The following BEND6 variants were observed in gnomAD, a reference collection of about 807,000 sequenced individuals.
BEND6 encodes BEN domain containing 6.
A neutral mutation model predicts 31.8 loss-of-function variants in BEND6; 24 were observed. The observed-to-expected ratio is 0.75, with a 90% confidence interval of 0.55 to 1.06. The LOEUF (loss-of-function observed/expected upper bound fraction) is 1.06, where lower values mean the gene tolerates loss of function less well. Among genes scored for constraint, BEND6 ranks in the 50% least tolerant of loss-of-function variants. The pLI, the probability that BEND6 is intolerant of heterozygous loss-of-function variation, is 0.00. For synonymous variants in BEND6, 109 were observed against 114.6 expected (o/e 0.95, Z 0.31); for missense variants, 294 against 327.4 (o/e 0.90, Z 0.79).
chr6:56,967,430 G>A (rs531741064), intron 1 of BEND6, among the ~76,000 whole-genome samples: 8 of 152,178 alleles, frequency 5.3e-5, no homozygotes, highest in Admixed American at 2.0e-4. Flanking sequence ...GAAGGGAGCC[G>A]GGAGGATAAA....
chr6:57,011,146 T>G (rs1827328276), intron 3 of BEND6, among the ~76,000 whole-genome samples: 2 of 152,234 alleles, frequency 1.3e-5, no homozygotes, highest in African/African-American at 4.8e-5. Context: ...CTTAAATAAT[T>G]GTAATTTAAA....
intron 1 of BEND6, among the ~76,000 whole-genome samples, chr6:56,969,095 T>C (rs1382651955): frequency 6.7e-6 from 1 of 149,974 alleles, no homozygotes; most frequent in South Asian, 2.1e-4. Flanking sequence ...GAAAAGAAAA[T>C]GAAGGAAGTA....
At position 57,015,241 on chromosome 6, in the gene BEND6, C is replaced by G; in HGVS notation, c.407C>G (p.Thr136Arg). The G allele has an allele frequency of 6.2e-7, 1 of 1,614,142 alleles. No individual in the cohort carries two copies. The highest frequency in any genetic ancestry group is 8.5e-7 in the Non-Finnish European group (1 of 1,180,012). ...TCTGCATCCACCCTCTGGAGAGCAA[C>G]AAACAACTCCTCGCCAGATTCATTT... ...STSASTLWRA[T>R]NNSSPDSFAS... Residue 136 changes from threonine to arginine, a missense_variant, in exon 4 of 7, where the codon ACA becomes AGA. Coordinates refer to ENST00000370746, the MANE Select transcript of BEND6 (RefSeq NM_152731.3).
At chr6:57,014,516 C>A in intron 3 of BEND6, 1 of 1,520,752 alleles carries the variant, frequency 6.6e-7, no homozygotes, top group Non-Finnish European at 8.8e-7. Context: ...GGCATGAAAA[C>A]TTTGAATGTG....
intron 3 of BEND6, among the ~76,000 whole-genome samples, chr6:56,995,190 T>A (rs549030308): frequency 6.6e-6 from 1 of 151,906 alleles, no homozygotes; most frequent in African/African-American, 2.4e-5. Flanking sequence ...ATCATTCCCA[T>A]TAGTATCAAA....
chr6:56,993,118 G>GA (rs1375158167), intron 3 of BEND6, among the ~76,000 whole-genome samples: 2 of 151,550 alleles, frequency 1.3e-5, no homozygotes, highest in Admixed American at 6.6e-5. Context: ...CCAGTGGCTG[G>GA]AAAAAAAATG....
intron 3 of BEND6, among the ~76,000 whole-genome samples, chr6:56,994,823 A>T (rs1826645325): frequency 6.6e-6 from 1 of 152,206 alleles, no homozygotes; most frequent in African/African-American, 2.4e-5. Flanking sequence ...AAAGAGTGCC[A>T]ATCAGCTTCA....
chr6:57,008,357 A>C (rs1487216451), intron 3 of BEND6: 1 of 633,666 alleles, frequency 1.6e-6, no homozygotes, highest in Non-Finnish European at 2.8e-6. Flanking sequence ...ATCATGTTTC[A>C]TTTCTAGCTT....
intron 3 of BEND6, among the ~76,000 whole-genome samples, chr6:57,003,739 A>G (rs1238670118): frequency 6.6e-6 from 1 of 152,168 alleles, no homozygotes; most frequent in Non-Finnish European, 1.5e-5. Context: ...AAAGAAAACT[A>G]CAGGCCAATA....
intron 2 of BEND6, among the ~76,000 whole-genome samples, chr6:56,991,344 C>A (rs1481192015): frequency 6.6e-6 from 1 of 151,538 alleles, no homozygotes; most frequent in Non-Finnish European, 1.5e-5. Context: ...AGAATCTATA[C>A]AAATTTACTT....
At chr6:56,971,987 T>C (rs1825703838) in intron 1 of BEND6, among the ~76,000 whole-genome samples, 1 of 152,142 alleles carries the variant, frequency 6.6e-6, no homozygotes, top group Non-Finnish European at 1.5e-5. Flanking sequence ...TTTTTTGTTT[T>C]ATTGCCTATG....
rs1826077621 is a variant in BEND6 at position 56,981,741 on chromosome 6, A to G, written c.-70A>G. On this transcript the variant is annotated 5_prime_UTR_variant, in exon 2 of 7. Transcript: ENST00000370746. Reference sequence around the variant, plus strand: ...GCATTAACTTTTGAGCTACGTCCAGAATAGCATCATCTTCATGGGTATTCC... The same window carrying G: ...GCATTAACTTTTGAGCTACGTCCAGGATAGCATCATCTTCATGGGTATTCC... 3 of 1,560,886 alleles carry G rather than the reference A, an allele frequency of 1.9e-6. No homozygotes were observed. Among genetic ancestry groups the G allele is most frequent in the Non-Finnish European group, 2.6e-6 (3 of 1,148,580 alleles).
At chr6:57,003,554 CA>C (rs941724959) in intron 3 of BEND6, among the ~76,000 whole-genome samples, 4 of 151,426 alleles carry the variant, frequency 2.6e-5, no homozygotes, top group Non-Finnish European at 5.9e-5. Flanking sequence ...AACTACCAAT[CA>C]AAAAAAACCC....
At chr6:56,997,791 A>G (rs935108247) in intron 3 of BEND6, among the ~76,000 whole-genome samples, 1 of 152,134 alleles carries the variant, frequency 6.6e-6, no homozygotes, top group Non-Finnish European at 1.5e-5. Flanking sequence ...TGACCTCGTG[A>G]TCCACCCACC....
At chr6:57,007,516 G>T (rs1050952210) in intron 3 of BEND6, among the ~76,000 whole-genome samples, 1 of 151,910 alleles carries the variant, frequency 6.6e-6, no homozygotes, top group African/African-American at 2.4e-5. Context: ...GGCAACAAAA[G>T]CAAAAATAAA....
chr6:57,005,927 C>G (rs1257998367), intron 3 of BEND6, among the ~76,000 whole-genome samples: 1 of 152,096 alleles, frequency 6.6e-6, no homozygotes, highest in African/African-American at 2.4e-5. Context: ...ATATCAAGTT[C>G]CAATAATTTA....
At chr6:57,011,424 C>G (rs1187924003) in intron 3 of BEND6, among the ~76,000 whole-genome samples, 1 of 152,016 alleles carries the variant, frequency 6.6e-6, no homozygotes, top group East Asian at 1.9e-4. Flanking sequence ...TTTATCAAAG[C>G]TTTGTTTGTA....
intron 1 of BEND6, among the ~76,000 whole-genome samples, chr6:56,964,656 C>A (rs116871249): frequency 2.6e-5 from 4 of 152,160 alleles, no homozygotes; most frequent in Non-Finnish European, 4.4e-5. Flanking sequence ...CAGGCACCAC[C>A]ATACCTGGCT....
intron 1 of BEND6, among the ~76,000 whole-genome samples, chr6:56,965,168 G>A (rs1825424526): frequency 6.6e-6 from 1 of 152,158 alleles, no homozygotes; most frequent in South Asian, 2.1e-4. Flanking sequence ...GATAAAATGT[G>A]TAATGTAGCT....
Sources: gnomAD v4.1 joint callset for allele counts (sites outside exome capture counted in the v4.1 genomes callset) on GRCh38, gnomAD v4.1.1 for gene constraint, MANE v1.5 for transcripts, NCBI Gene and HGNC (gene_info 2026-07-23, HGNC 2026-07-21) for gene names.